Variants in LARGE1 observed in about 807,000 individuals in gnomAD.
LARGE1 encodes xylosyl- and glucuronyltransferase LARGE1.
Under a neutral mutation model 87.6 loss-of-function variants are expected in LARGE1, and 43 were observed. The ratio of observed to expected loss-of-function variants is 0.49; its 90% CI spans 0.38 to 0.63. The LOEUF (loss-of-function observed/expected upper bound fraction) is 0.63, where lower values mean the gene tolerates loss of function less well. LARGE1 is among the 30% of genes least tolerant of loss of function. The pLI is 0.00. For missense variants in LARGE1, 802 were observed against 1,000.2 expected, an observed-to-expected ratio of 0.80 and a Z score of 2.67; for synonymous variants, 434 against 394.6, an observed-to-expected ratio of 1.10 and a Z score of -1.18.
intron 1 of LARGE1, among the ~76,000 whole-genome samples, chr22:33,848,590 C>A (rs12160566): frequency 2.0e-5 from 3 of 152,030 alleles, no homozygotes; most frequent in African/African-American, 7.2e-5. Context: ...TTCCTGAAGC[C>A]GCGTTGTGCC....
At chr22:33,530,988 T>C (rs2148571407) in intron 6 of LARGE1, among the ~76,000 whole-genome samples, 1 of 152,284 alleles carries the variant, frequency 6.6e-6, no homozygotes. Flanking sequence ...GGCACTGATA[T>C]CTGGTCTCAC....
chr22:33,698,422 C>G lies in LARGE1; in HGVS notation c.107-47754G>C, dbSNP rs540682392. Among the ~76,000 whole-genome samples, 51 of 146,428 alleles carry G rather than the reference C, an allele frequency of 3.5e-4. No homozygotes were observed. In the Middle Eastern group the frequency reaches 0.011, roughly 33 times the overall value. On this transcript the variant is annotated intron_variant, in intron 2 of 14. Coordinates refer to ENST00000397394, the MANE Select transcript of LARGE1 (RefSeq NM_133642.5). ...TTCAAGCGATTCTCTTGCCTCAGCC[C>G]CCTGAGTAGCTGAGAGTACAGGGGC...
chr22:33,310,252 C>G lies in LARGE1; in HGVS notation c.1452-5745G>C, dbSNP rs1034240972. Among the ~76,000 whole-genome samples the G allele has an allele frequency of 2.6e-5, 4 of 152,334 alleles. No homozygotes were observed. The East Asian group carries it at 7.7e-4, about 29-fold the overall frequency. On this transcript the variant is annotated intron_variant, in intron 11 of 14. Coordinates refer to ENST00000397394, the MANE Select transcript of LARGE1 (RefSeq NM_133642.5). ...CTGTGAGCCCAGCCCATTCTCTCTC[C>G]TTTACTCAGAGAGAGCAGAGAAGTG...
At chr22:33,532,304 G>A (rs956259610) in intron 6 of LARGE1, among the ~76,000 whole-genome samples, 5 of 152,148 alleles carry the variant, frequency 3.3e-5, no homozygotes, top group Non-Finnish European at 5.9e-5. Context: ...TGGAGGCTAC[G>A]TGTGATACAG....
intron 2 of LARGE1, among the ~76,000 whole-genome samples, chr22:33,705,189 C>T (rs2082525186): frequency 6.6e-6 from 1 of 152,204 alleles, no homozygotes; most frequent in African/African-American, 2.4e-5. Context: ...CACAACACAA[C>T]ACACACCTGG....
chr22:33,336,375 T>C (rs1301469604), intron 10 of LARGE1, among the ~76,000 whole-genome samples: 1 of 152,058 alleles, frequency 6.6e-6, no homozygotes, highest in Non-Finnish European at 1.5e-5. Context: ...AATTTTTGTA[T>C]TTTTAGTAGA....
intron 6 of LARGE1, among the ~76,000 whole-genome samples, chr22:33,496,397 C>A (rs117862511): frequency 1.3e-5 from 2 of 152,158 alleles, no homozygotes; most frequent in African/African-American, 4.8e-5. Context: ...ATCATGAGGG[C>A]GAAGTCCTCA....
At chr22:33,166,657 C>T (rs1357688164) in exon 12 of LARGE1, 9 of 442,094 alleles carry the variant, frequency 2.0e-5, no homozygotes, top group East Asian at 1.4e-4. Context: ...TCACCTGGCA[C>T]GTACCACTTT....
At chr22:33,161,993 T>G (rs1239938748), downstream of LARGE1, among the ~76,000 whole-genome samples, 3 of 152,210 alleles carry the variant, frequency 2.0e-5, no homozygotes, top group Non-Finnish European at 4.4e-5. Context: ...ACTATCAGCC[T>G]TTTGGTCAAA....
Position 33,285,624 on chromosome 22 carries a change from A to AAAACAAACAAACAAAC in LARGE1, c.1731-2292_1731-2277dup, listed in dbSNP as rs57414667. 1.1e-4 allele frequency among the ~76,000 whole-genome samples: 16 copies of AAAACAAACAAACAAAC among 151,632 alleles called. No individual in the cohort carries two copies. In the East Asian group the frequency reaches 2.3e-3, roughly 22 times the overall value. ...GGGCGACAGAGCGAGACCCTGTCAC[A>AAAACAAACAAACAAAC]AAACAAACAAACAAACAAACAAAAA... On this transcript the variant is annotated intron_variant, in intron 12 of 14. Coordinates refer to ENST00000397394, the MANE Select transcript of LARGE1 (RefSeq NM_133642.5).
intron 11 of LARGE1, among the ~76,000 whole-genome samples, chr22:33,233,484 G>A (rs1195712720): frequency 6.6e-6 from 1 of 151,872 alleles, no homozygotes; most frequent in Non-Finnish European, 1.5e-5. Context: ...TCTTTACTTG[G>A]CCTCCTTCCT....
chr22:33,784,175 G>T (rs1321242641), intron 1 of LARGE1, among the ~76,000 whole-genome samples: 2 of 152,088 alleles, frequency 1.3e-5, no homozygotes, highest in Non-Finnish European at 2.9e-5. Context: ...ATTGCTTTCT[G>T]CTAATGAATA....
downstream of LARGE1, among the ~76,000 whole-genome samples, chr22:33,272,262 C>T (rs1928310524): frequency 6.6e-6 from 1 of 152,222 alleles, no homozygotes; most frequent in Admixed American, 6.5e-5. Context: ...CAGTGGTCCT[C>T]TCTAGGGAAG....
intron 6 of LARGE1, among the ~76,000 whole-genome samples, chr22:33,558,137 G>A (rs61511491): frequency 0.034 from 5,169 of 152,276 alleles, 168 homozygotes; most frequent in African/African-American, 0.095. Context: ...GAGTGAATGT[G>A]AGATGCGTGG....
intron 1 of LARGE1, among the ~76,000 whole-genome samples, chr22:33,842,766 A>T (rs1468380091): frequency 6.6e-6 from 1 of 152,160 alleles, no homozygotes; most frequent in Non-Finnish European, 1.5e-5. Context: ...CTGTATTTTT[A>T]ATTTTATTTC....
At chr22:33,848,657 G>A (rs1408757766) in intron 1 of LARGE1, among the ~76,000 whole-genome samples, 1 of 152,158 alleles carries the variant, frequency 6.6e-6, no homozygotes, top group East Asian at 1.9e-4. Flanking sequence ...AACTCCAGTG[G>A]TTTTACCAAA....
intron 6 of LARGE1, among the ~76,000 whole-genome samples, chr22:33,475,159 T>C (rs1319214183): frequency 6.6e-6 from 1 of 152,134 alleles, no homozygotes; most frequent in Non-Finnish European, 1.5e-5. Flanking sequence ...TTCAGGAATC[T>C]TGCCTAATCC....
intron 9 of LARGE1, among the ~76,000 whole-genome samples, chr22:33,351,842 G>A (rs1403762967): frequency 3.3e-5 from 5 of 151,972 alleles, no homozygotes; most frequent in South Asian, 2.1e-4. Context: ...GGGTTCAAGC[G>A]ATTCTCCTGC....
chr22:33,598,374 A>G (rs1182473614), intron 5 of LARGE1, among the ~76,000 whole-genome samples: 1 of 152,276 alleles, frequency 6.6e-6, no homozygotes, highest in East Asian at 1.9e-4. Flanking sequence ...AATGAAGTAA[A>G]TGATTCTTTA....
Sources: gnomAD v4.1 joint callset for allele counts (sites outside exome capture counted in the v4.1 genomes callset) on GRCh38, gnomAD v4.1.1 for gene constraint, MANE v1.5 for transcripts, NCBI Gene and HGNC (gene_info 2026-07-23, HGNC 2026-07-21) for gene names.